The following MAGI2 variants were observed in gnomAD, a reference collection of about 807,000 sequenced individuals.
MAGI2 encodes membrane associated guanylate kinase, WW and PDZ domain containing 2.
A neutral mutation model predicts 133.3 loss-of-function variants in MAGI2; 35 were observed. That is an observed-to-expected ratio of 0.26 (90% CI 0.20 to 0.35). The LOEUF (loss-of-function observed/expected upper bound fraction) is 0.35. Among genes scored for constraint, MAGI2 ranks in the 10% least tolerant of loss-of-function variants. The pLI, the probability that MAGI2 is intolerant of heterozygous loss-of-function variation, is 1.00. For missense variants in MAGI2, 1,636 were observed against 1,863.4 expected, an observed-to-expected ratio of 0.88 and a Z score of 2.25; for synonymous variants, 729 against 710.6, an observed-to-expected ratio of 1.03 and a Z score of -0.41.
chr7:78,384,068 G>T (rs1353075342), intron 6 of MAGI2, among the ~76,000 whole-genome samples: 1 of 127,164 alleles, frequency 7.9e-6, no homozygotes, highest in Non-Finnish European at 1.8e-5. Flanking sequence ...AATTGCTTTG[G>T]CTATTTGTGC....
At chr7:79,008,173 G>T (rs1239936866) in intron 1 of MAGI2, among the ~76,000 whole-genome samples, 2 of 152,032 alleles carry the variant, frequency 1.3e-5, no homozygotes. Flanking sequence ...TAGGGAAATT[G>T]AGCCAAGACA....
intron 2 of MAGI2, among the ~76,000 whole-genome samples, chr7:78,942,402 G>A (rs1801057038): frequency 6.6e-6 from 1 of 152,004 alleles, no homozygotes; most frequent in African/African-American, 2.4e-5. Flanking sequence ...ACTCAAATAA[G>A]TTTATTTTTG....
chr7:79,272,408 A>G (rs1834942686), intron 1 of MAGI2, among the ~76,000 whole-genome samples: 1 of 152,080 alleles, frequency 6.6e-6, no homozygotes, highest in South Asian at 2.1e-4. Context: ...ATTTATCTGC[A>G]TGTGTTTCAT....
chr7:78,705,761 G>A (rs991144865), intron 2 of MAGI2, among the ~76,000 whole-genome samples: 2 of 152,140 alleles, frequency 1.3e-5, no homozygotes, highest in African/African-American at 2.4e-5. Context: ...AAAAATAGCT[G>A]ACTGGATTAA....
intron 6 of MAGI2, among the ~76,000 whole-genome samples, chr7:78,381,559 T>C (rs1585067148): frequency 6.6e-6 from 1 of 151,868 alleles, no homozygotes; most frequent in East Asian, 1.9e-4. Flanking sequence ...AACATATCAG[T>C]GATAAAGAGC....
At chr7:78,450,640 ATCT>A (rs370754770) in intron 6 of MAGI2, among the ~76,000 whole-genome samples, 4 of 147,524 alleles carry the variant, frequency 2.7e-5, no homozygotes, top group African/African-American at 1.0e-4. Flanking sequence ...AACATTTCTC[ATCT>A]TCTCTGCTTA....
intron 2 of MAGI2, among the ~76,000 whole-genome samples, chr7:78,922,783 G>A (rs1225478393): frequency 1.3e-5 from 2 of 151,054 alleles, no homozygotes; most frequent in Non-Finnish European, 3.0e-5. Context: ...CTTCCACAAT[G>A]GTTGAACTAG....
intron 9 of MAGI2, among the ~76,000 whole-genome samples, chr7:78,276,628 T>C (rs563468845): frequency 1.1e-4 from 7 of 65,242 alleles, no homozygotes; most frequent in Non-Finnish European, 2.1e-4. Flanking sequence ...TTACTGACTA[T>C]AGTTGATTAA....
At chr7:78,681,117 A>G (rs1199329406) in intron 2 of MAGI2, among the ~76,000 whole-genome samples, 1 of 152,116 alleles carries the variant, frequency 6.6e-6, no homozygotes, top group Non-Finnish European at 1.5e-5. Context: ...ACAAGATGCT[A>G]ATAGCACAAC....
chr7:79,417,560 T>G (rs1846622155), intron 1 of MAGI2, among the ~76,000 whole-genome samples: 1 of 152,224 alleles, frequency 6.6e-6, no homozygotes, highest in African/African-American at 2.4e-5. Flanking sequence ...CACATCTATG[T>G]AGGCGTTATC....
intron 4 of MAGI2, 123 bp from the exon 5 acceptor site, chr7:78,501,910 A>G (rs1006855161): frequency 2.9e-6 from 2 of 680,526 alleles, no homozygotes; most frequent in Non-Finnish European, 5.0e-6. Context: ...AACAGGAAAC[A>G]TTTCTGAAAA....
At chr7:78,219,337 T>G (rs1788576184) in intron 10 of MAGI2, among the ~76,000 whole-genome samples, 1 of 152,218 alleles carries the variant, frequency 6.6e-6, no homozygotes, top group Admixed American at 6.5e-5. Context: ...CATCATTAAA[T>G]GCATATTGAT....
intron 1 of MAGI2, among the ~76,000 whole-genome samples, chr7:79,141,971 A>G (rs924717708): frequency 3.3e-5 from 5 of 152,152 alleles, no homozygotes; most frequent in Admixed American, 3.3e-4. Flanking sequence ...TATTATCTCG[A>G]TGGAAGAATC....
intron 2 of MAGI2, among the ~76,000 whole-genome samples, chr7:78,787,002 T>A (rs1826880552): frequency 1.3e-5 from 2 of 151,634 alleles, no homozygotes; most frequent in African/African-American, 4.8e-5. Context: ...CAAGCTGGAG[T>A]GTAGTGGCGC....
intron 2 of MAGI2, among the ~76,000 whole-genome samples, chr7:78,692,929 A>G (rs1176621871): frequency 6.6e-6 from 1 of 152,194 alleles, no homozygotes; most frequent in Non-Finnish European, 1.5e-5. Context: ...AGGATTTTGC[A>G]ACTTTTACTT....
intron 16 of MAGI2, among the ~76,000 whole-genome samples, chr7:78,143,040 G>A (rs756782670): frequency 1.3e-5 from 2 of 152,010 alleles, no homozygotes; most frequent in East Asian, 1.9e-4. Context: ...TGCATTTTTC[G>A]CAAAGACTCA....
At chr7:79,402,179 A>G (rs1845512993) in intron 1 of MAGI2, among the ~76,000 whole-genome samples, 2 of 152,176 alleles carry the variant, frequency 1.3e-5, no homozygotes, top group African/African-American at 4.8e-5. Flanking sequence ...AGCTATAAAA[A>G]TATAATCTTA....
intron 1 of MAGI2, among the ~76,000 whole-genome samples, chr7:79,082,707 G>A (rs1478917746): frequency 6.6e-6 from 1 of 151,946 alleles, no homozygotes; most frequent in Non-Finnish European, 1.5e-5. Context: ...GATTCCATGT[G>A]TATCTTAGGA....
rs949854970 is a variant in MAGI2 at position 78,725,570 on chromosome 7, G to A, written c.419-98331C>T. 2.6e-5 allele frequency among the ~76,000 whole-genome samples: 4 copies of A among 152,322 alleles called. No homozygotes were observed. In the East Asian group the frequency reaches 7.7e-4, roughly 29 times the overall value. The stretch of plus-strand genomic sequence containing the variant: ...TCCCAACACTTTGGGAGGCCTAGGC[G>A]GGCAGATCACAAGGTCAGGAGATAG... On this transcript the variant is annotated intron_variant, in intron 2 of 21. Transcript: ENST00000354212.
Sources: allele counts gnomAD v4.1 joint callset (sites outside exome capture counted in the v4.1 genomes callset), GRCh38; gene constraint gnomAD v4.1.1; transcripts MANE v1.5; gene names NCBI Gene and HGNC (gene_info 2026-07-23, HGNC 2026-07-21).